Variants in EIF4A2 observed in about 807,000 individuals in gnomAD.
The protein encoded by EIF4A2 is eukaryotic initiation factor 4A-II.
Under a neutral mutation model 50.6 loss-of-function variants are expected in EIF4A2, and 9 were observed. The ratio of observed to expected loss-of-function variants is 0.18; its 90% CI spans 0.11 to 0.31. The LOEUF is 0.31. Ranked by LOEUF, EIF4A2 falls within the 10% of genes least tolerant of loss-of-function variation. EIF4A2 has a pLI of 1.00. For missense variants in EIF4A2, 182 were observed against 501.8 expected (o/e 0.36, Z 6.09); for synonymous variants, 215 against 164.4 (o/e 1.31, Z -2.35).
At chr3:186,788,916 G>A in intron 10 of EIF4A2, 1 of 560,372 alleles carries the variant, frequency 1.8e-6, no homozygotes, top group Non-Finnish European at 2.9e-6. Flanking sequence ...ATCTCATTTT[G>A]CAGCCAGACA....
At chr3:186,784,908 G>A (rs75553325) in intron 3 of EIF4A2, 54 bp from the exon 4 acceptor site, 3 of 1,613,746 alleles carry the variant, frequency 1.9e-6, no homozygotes, top group African/African-American at 1.3e-5. Context: ...ATGGTGTGAA[G>A]TAGAAGTGAC....
rs1322064424 is a variant in EIF4A2, at chr3:186,783,765, G to A, written c.29+126G>A. On this transcript the variant is annotated intron_variant, in intron 1 of 10. Coordinates refer to ENST00000323963, the MANE Select transcript of EIF4A2 (RefSeq NM_001967.4). ...CGTTTTCTTAGGGTACAGCACTCCT[G>A]TGCCCTTCCAGAAGCTTCCATGATG... 6 of 1,480,134 alleles carry A rather than the reference G, an allele frequency of 4.1e-6. No individual in the cohort carries two copies. In the Admixed American group the frequency reaches 7.0e-5, roughly 17 times the overall value. 91.7% of individuals were successfully genotyped at this position (1,480,134 alleles called of 1,614,324 possible). A position where few individuals can be genotyped will look rare whatever the true frequency, so the allele number is the denominator to read the frequency against.
rs1721766891 is a variant in EIF4A2, at chr3:186,786,988, G to C, written c.772-139G>C. On this transcript the variant is annotated intron_variant, in intron 7 of 10. Transcript: ENST00000323963. ...ACTTTCTTGAAACCCTGGTCTGGTT[G>C]GAACTCTGGGCTCTAAGTGCTAGGA... The C allele has an allele frequency of 3.1e-6, 4 of 1,279,188 alleles. No homozygotes were observed. The East Asian group carries it at 9.3e-5, about 30-fold the overall frequency. The allele number at this position is 1,279,188 out of a possible 1,614,324, so 79.2% of individuals were successfully genotyped here.
chr3:186,787,322 T>C (rs1339983250), intron 8 of EIF4A2, 58 bp downstream of exon 8: 2 of 1,613,418 alleles, frequency 1.2e-6, no homozygotes, highest in African/African-American at 2.7e-5. Flanking sequence ...GACTACAATA[T>C]AGCTGCTAAG....
chr3:186,784,910 A>G (rs777400639), intron 3 of EIF4A2, 52 bp from the exon 4 acceptor site: 1 of 1,613,752 alleles, frequency 6.2e-7, no homozygotes, highest in African/African-American at 1.3e-5. Context: ...GGTGTGAAGT[A>G]GAAGTGACAA....
intron 1 of EIF4A2, 52 bp from the exon 2 acceptor site, chr3:186,784,380 G>A (rs770239883): frequency 2.5e-6 from 4 of 1,613,838 alleles, no homozygotes; most frequent in East Asian, 4.5e-5. Context: ...CGCTTAAGGT[G>A]CAGTTGAGGT....
At chr3:186,784,729 C>G (rs749561100) in intron 3 of EIF4A2, 33 bp downstream of exon 3, 2 of 1,611,164 alleles carry the variant, frequency 1.2e-6, no homozygotes, top group South Asian at 1.1e-5. Flanking sequence ...GGAAATTGTT[C>G]TACATAGACA....
intron 10 of EIF4A2, chr3:186,788,592 A>ATTTGAG (rs1315873836): frequency 1.9e-5 from 7 of 376,060 alleles, no homozygotes; most frequent in African/African-American, 6.4e-5. Context: ...GTTTAGAGTA[A>ATTTGAG]TTTGAGTTAC....
chr3:186,788,422 T>C, intron 10 of EIF4A2: 1 of 1,247,506 alleles, frequency 8.0e-7, no homozygotes, highest in East Asian at 5.7e-5. Flanking sequence ...AGCGAGTCGG[T>C]ATTTATATTT....
At chr3:186,784,272 T>A in intron 1 of EIF4A2, 160 bp from the exon 2 acceptor site, 1 of 1,077,828 alleles carries the variant, frequency 9.3e-7, no homozygotes, top group Non-Finnish European at 1.3e-6. Context: ...GGCCCCAACC[T>A]TTAGGGAAGG....
At position 186,784,586 on chromosome 3, in the gene EIF4A2, A is replaced by G; in HGVS notation, c.98A>G (p.Asp33Gly). ...CAGAGCAACTGGAATGAGATTGTTGATAACTTTGATGATATGAATTTAAAG... is the reference window on the plus strand; with the variant it reads ...CAGAGCAACTGGAATGAGATTGTTGGTAACTTTGATGATATGAATTTAAAG... Reference protein sequence around the residue: ...VIESNWNEIVDNFDDMNLKES... With the variant: ...VIESNWNEIVGNFDDMNLKES... Residue 33 changes from aspartate to glycine, a missense_variant, in exon 3 of 11, where the codon GAT becomes GGT. Asp to Gly is a moderately conservative substitution (Grantham distance 94, BLOSUM62 -1). Transcript: ENST00000323963. 2 of 1,614,196 alleles carry G rather than the reference A, an allele frequency of 1.2e-6. No homozygotes were observed. Among genetic ancestry groups the G allele is most frequent in the Non-Finnish European group, 8.5e-7 (1 of 1,180,008 alleles).
Position 186,784,997 on chromosome 3 carries a change from G to A in EIF4A2, c.244G>A (p.Gly82Ser). ...DVIAQAQSGT[G>S]KTATFAISIL... ...GATTGCTCAAGCTCAGTCAGGTACT[G>A]GCAAGACAGCCACATTTGCTATTTC... Residue 82 changes from glycine to serine, a missense_variant, in exon 4 of 11, where the codon GGC (glycine) becomes AGC (serine). Physicochemically the swap from Gly to Ser is moderately conservative, Grantham distance 56. Around this residue, in one of 7 missense-constraint regions of EIF4A2, gnomAD observed 113 missense variants for 357.3 expected, o/e 0.32. Coordinates refer to ENST00000323963, the MANE Select transcript of EIF4A2 (RefSeq NM_001967.4). The A allele has an allele frequency of 6.2e-7, 1 of 1,614,182 alleles. No homozygotes were observed. Among genetic ancestry groups the A allele is most frequent in the South Asian group, 1.1e-5 (1 of 91,078 alleles).
At chr3:186,784,143 C>T (rs1027057311) in intron 1 of EIF4A2, 20 of 527,408 alleles carry the variant, frequency 3.8e-5, no homozygotes, top group African/African-American at 7.6e-5. Context: ...CGTCAATCAC[C>T]CGGCTTGCGC....
intron 9 of EIF4A2, 36 bp from the exon 10 acceptor site, chr3:186,787,767 T>C: frequency 6.2e-7 from 1 of 1,613,944 alleles, no homozygotes; most frequent in Non-Finnish European, 8.5e-7. Context: ...TCAAGTTTTT[T>C]TGAATCAATT....
At chr3:186,784,327 G>C in intron 1 of EIF4A2, 105 bp from the exon 2 acceptor site, 2 of 1,529,262 alleles carry the variant, frequency 1.3e-6, no homozygotes, top group Non-Finnish European at 1.8e-6. Flanking sequence ...TTTAGCTTGT[G>C]CAGGGGAGGC....
rs1234629419 is a variant in EIF4A2, at chr3:186,789,450, GC to G, written c.*182del. On this transcript the variant is annotated 3_prime_UTR_variant, in exon 11 of 11. Transcript: ENST00000323963. ...TGAGCTCTTGTGAGGAAAGTCATTG[GC>G]TTTATCCTCTTTAGAGTTAGACTGT... 2 of 763,802 alleles carry G rather than the reference GC, an allele frequency of 2.6e-6. No individual in the cohort carries two copies. The highest frequency in any genetic ancestry group is 3.6e-5 in the African/African-American group (2 of 55,272). The allele number at this position is 763,802 out of a possible 1,614,324, so 47.3% of individuals were successfully genotyped here.
chr3:186,789,879 A>AC lies in EIF4A2; in HGVS notation c.*610_*611insC, dbSNP rs1722014352. The AC allele has an allele frequency of 1.2e-6, 1 of 817,992 alleles. No homozygotes were observed. The highest frequency in any genetic ancestry group is 2.0e-6 in the Non-Finnish European group (1 of 511,214). 50.7% of individuals were successfully genotyped at this position (817,992 alleles called of 1,614,324 possible). ...TTAATGAAGTTTGAATGTTAAATAA[A>AC]TTGTATATTCACTTTAAAGGTGCTT... On this transcript the variant is annotated 3_prime_UTR_variant, in exon 11 of 11. Transcript: ENST00000323963.
At chr3:186,786,726 T>A (rs1721737401) in intron 7 of EIF4A2, 81 bp downstream of exon 7, 2 of 1,586,854 alleles carry the variant, frequency 1.3e-6, no homozygotes, top group South Asian at 2.2e-5. Flanking sequence ...GACCATGTCT[T>A]GGTTTTTGCA....
At chr3:186,785,629 A>C in intron 4 of EIF4A2, 1 of 452,778 alleles carries the variant, frequency 2.2e-6, no homozygotes, top group Non-Finnish European at 4.0e-6. Context: ...AGAATAATGT[A>C]GGAAACGTTA....
Sources: gnomAD v4.1 joint callset for allele counts on GRCh38, gnomAD v4.1.1 for gene constraint, gnomAD v4.1.1 regional missense constraint, MANE v1.5 for transcripts, NCBI Gene and HGNC (gene_info 2026-07-23, HGNC 2026-07-21) for gene names.